The following FAM184A variants were observed in gnomAD, a reference collection of about 807,000 sequenced individuals.
FAM184A encodes the protein protein FAM184A.
In FAM184A, 99 loss-of-function variants were observed where a neutral mutation model predicts 143.8. That is an observed-to-expected ratio of 0.69 (90% CI 0.58 to 0.81). The LOEUF (loss-of-function observed/expected upper bound fraction) is 0.81, where lower values mean the gene tolerates loss of function less well. Among genes scored for constraint, FAM184A ranks in the 40% least tolerant of loss-of-function variants. FAM184A has a pLI of 0.00. For synonymous variants in FAM184A, 427 were observed against 446.4 expected (o/e 0.96, Z 0.55); for missense variants, 1,217 against 1,310.5 (o/e 0.93, Z 1.10).
chr6:119,143,878 T>A (rs1164459768), intron 1 of FAM184A, among the ~76,000 whole-genome samples: 2 of 152,184 alleles, frequency 1.3e-5, no homozygotes, highest in Admixed American at 1.3e-4. Context: ...AATACTGAAC[T>A]GTATACTTAA....
At chr6:119,118,703 G>A (rs552794595) in intron 1 of FAM184A, among the ~76,000 whole-genome samples, 4 of 151,860 alleles carry the variant, frequency 2.6e-5, no homozygotes, top group East Asian at 3.9e-4. Context: ...CATCATTTTC[G>A]TAAGCTGAGG....
intron 9 of FAM184A, among the ~76,000 whole-genome samples, chr6:119,002,429 T>C (rs1232479558): frequency 1.3e-5 from 2 of 152,194 alleles, no homozygotes; most frequent in Non-Finnish European, 2.9e-5. Context: ...CTTTTGTTTA[T>C]GTTATACTCT....
chr6:119,142,276 A>C (rs1772271145), intron 1 of FAM184A, among the ~76,000 whole-genome samples: 1 of 152,174 alleles, frequency 6.6e-6, no homozygotes, highest in African/African-American at 2.4e-5. Flanking sequence ...AAAGGACGTA[A>C]TGACCTCGAA....
chr6:119,058,159 C>A (rs1436160936), intron 1 of FAM184A, among the ~76,000 whole-genome samples: 1 of 148,898 alleles, frequency 6.7e-6, no homozygotes, highest in Non-Finnish European at 1.5e-5. Flanking sequence ...GAAGTAGAGT[C>A]CAATTCTCCT....
intron 9 of FAM184A, among the ~76,000 whole-genome samples, chr6:118,984,158 A>AAATAT (rs375843703): frequency 4.1e-4 from 52 of 126,950 alleles, no homozygotes; most frequent in African/African-American, 1.4e-3. Flanking sequence ...TTAAAAAAAA[A>AAATAT]ATATATATAT....
At chr6:119,011,739 T>C (rs1398438268) in intron 5 of FAM184A, among the ~76,000 whole-genome samples, 1 of 152,208 alleles carries the variant, frequency 6.6e-6, no homozygotes, top group African/African-American at 2.4e-5. Flanking sequence ...GAATTCAAAA[T>C]TCTTTTTTTC....
intron 13 of FAM184A, 85 bp downstream of exon 13, chr6:118,974,939 C>A: frequency 8.9e-7 from 1 of 1,129,352 alleles, no homozygotes; most frequent in Non-Finnish European, 1.3e-6. Flanking sequence ...AGTCTAGTCA[C>A]AAAATTAGCA....
At chr6:118,973,777 C>T (rs960347769) in intron 14 of FAM184A, among the ~76,000 whole-genome samples, 4 of 152,010 alleles carry the variant, frequency 2.6e-5, no homozygotes, top group Non-Finnish European at 4.4e-5. Flanking sequence ...TTCCAAAGAA[C>T]ATTAAATAAG....
At chr6:119,119,394 A>G (rs1323544837) in intron 1 of FAM184A, among the ~76,000 whole-genome samples, 1 of 152,166 alleles carries the variant, frequency 6.6e-6, no homozygotes, top group Non-Finnish European at 1.5e-5. Flanking sequence ...CACAGAAACT[A>G]CCGACATGTG....
intron 4 of FAM184A, among the ~76,000 whole-genome samples, chr6:119,018,519 A>G (rs1157451871): frequency 6.6e-6 from 1 of 152,216 alleles, no homozygotes; most frequent in African/African-American, 2.4e-5. Flanking sequence ...TAAAGTGGTG[A>G]AAGACGGGGC....
At chr6:119,006,696 A>T in intron 6 of FAM184A, 88 bp from the exon 7 acceptor site, 1 of 1,118,916 alleles carries the variant, frequency 8.9e-7, no homozygotes, top group Non-Finnish European at 1.2e-6. Flanking sequence ...TTTTTTATTT[A>T]GTTGTAATTT....
intron 1 of FAM184A, among the ~76,000 whole-genome samples, chr6:119,102,329 A>C (rs528713487): frequency 3.3e-5 from 5 of 152,300 alleles, no homozygotes; most frequent in African/African-American, 7.2e-5. Flanking sequence ...TTATTACTAA[A>C]ATTGTTATAC....
At chr6:119,095,343 G>T (rs903437696) in intron 1 of FAM184A, among the ~76,000 whole-genome samples, 1 of 152,142 alleles carries the variant, frequency 6.6e-6, no homozygotes, top group Non-Finnish European at 1.5e-5. Context: ...GAGAGGCATT[G>T]GTGAGTTCCT....
intron 1 of FAM184A, among the ~76,000 whole-genome samples, chr6:119,144,933 C>T (rs1333127238): frequency 6.6e-6 from 1 of 152,192 alleles, no homozygotes; most frequent in Non-Finnish European, 1.5e-5. Flanking sequence ...TGAGAGTTTA[C>T]AGAGTGCAAA....
chr6:119,128,898 T>C (rs376858451), intron 1 of FAM184A, among the ~76,000 whole-genome samples: 3 of 142,216 alleles, frequency 2.1e-5, no homozygotes, highest in African/African-American at 7.8e-5. Context: ...TTTTTTTTTT[T>C]CCGGAGAGCC....
chr6:119,023,182 A>G, intron 2 of FAM184A, 102 bp from the exon 3 acceptor site: 1 of 1,229,242 alleles, frequency 8.1e-7, no homozygotes, highest in Non-Finnish European at 1.1e-6. Flanking sequence ...CAGAAGTCAT[A>G]CTAAACTATA....
chr6:119,077,015 C>T (rs903146774), intron 1 of FAM184A, among the ~76,000 whole-genome samples: 7 of 152,202 alleles, frequency 4.6e-5, no homozygotes, highest in Non-Finnish European at 1.0e-4. Flanking sequence ...CATTTGTGCT[C>T]TCATTTTGTA....
intron 5 of FAM184A, among the ~76,000 whole-genome samples, chr6:119,014,634 C>G (rs1307342361): frequency 2.0e-5 from 3 of 152,168 alleles, no homozygotes; most frequent in African/African-American, 7.2e-5. Flanking sequence ...AACAGTGTTT[C>G]TATTATGGCT....
chr6:118,988,210 G>A (rs1784254041), intron 9 of FAM184A, among the ~76,000 whole-genome samples: 1 of 152,164 alleles, frequency 6.6e-6, no homozygotes, highest in South Asian at 2.1e-4. Context: ...GTAAAACACA[G>A]AACATTAATT....
Sources: allele counts gnomAD v4.1 joint callset (sites outside exome capture counted in the v4.1 genomes callset), GRCh38; gene constraint gnomAD v4.1.1; transcripts MANE v1.5; gene names NCBI Gene and HGNC (gene_info 2026-07-23, HGNC 2026-07-21).